The following CDCA8 variants were observed in gnomAD, a reference collection of about 807,000 sequenced individuals.
CDCA8 encodes the protein borealin.
A neutral mutation model predicts 40.0 loss-of-function variants in CDCA8; 25 were observed. That is an observed-to-expected ratio of 0.63 (90% CI 0.46 to 0.87). The LOEUF is 0.87. Ranked by LOEUF, CDCA8 falls within the 40% of genes least tolerant of loss-of-function variation. CDCA8 has a pLI of 0.00. For missense variants in CDCA8, 280 were observed against 348.4 expected, an observed-to-expected ratio of 0.80 and a Z score of 1.56; for synonymous variants, 111 against 126.5, an observed-to-expected ratio of 0.88 and a Z score of 0.82.
rs150621910 is a variant in CDCA8, at chr1:37,697,735, G to C, written c.265-1170G>C. Among the ~76,000 whole-genome samples, 425 of 152,330 alleles carry C rather than the reference G, an allele frequency of 2.8e-3. 4 individuals are homozygous for C. The highest frequency in any genetic ancestry group is 9.7e-3 in the African/African-American group (403 of 41,570). On this transcript the variant is annotated intron_variant, in intron 3 of 9. Transcript: ENST00000373055. ...AGATGCCCAGTGGCCTGCCACCACT[G>C]ATGACTCCATAAAATGCCAGTTGTT... is the stretch of plus-strand genomic sequence containing the variant.
intron 8 of CDCA8, among the ~76,000 whole-genome samples, chr1:37,706,231 CTGAG>C: frequency 6.6e-6 from 1 of 152,036 alleles, no homozygotes; most frequent in South Asian, 2.1e-4. Flanking sequence ...CCTCAGCCTC[CTGAG>C]TAACTGGGAC....
intron 7 of CDCA8, among the ~76,000 whole-genome samples, chr1:37,703,645 GGTGGAGGTTGCA>G (rs1035411010): frequency 2.0e-5 from 3 of 152,190 alleles, no homozygotes; most frequent in Non-Finnish European, 2.9e-5. Context: ...GAACCCAGGA[GGTGGAGGTTGCA>G]GTGAGCTGCA....
chr1:37,707,438 A>G (rs1366654649), intron 9 of CDCA8, among the ~76,000 whole-genome samples: 1 of 152,206 alleles, frequency 6.6e-6, no homozygotes, highest in Non-Finnish European at 1.5e-5. Flanking sequence ...TCAAAGAGCG[A>G]GCTGAACGGC....
intron 4 of CDCA8, among the ~76,000 whole-genome samples, chr1:37,699,702 G>A (rs1211928895): frequency 6.6e-6 from 1 of 152,152 alleles, no homozygotes; most frequent in Non-Finnish European, 1.5e-5. Flanking sequence ...GGTGGATCAC[G>A]AGGTCAGGAG....
intron 4 of CDCA8, among the ~76,000 whole-genome samples, chr1:37,699,824 A>T (rs1444807542): frequency 2.0e-5 from 3 of 151,904 alleles, no homozygotes; most frequent in Admixed American, 2.0e-4. Flanking sequence ...GGAGGCTGAG[A>T]CAGGAGAATG....
Position 37,709,703 on chromosome 1 carries a change from T to C in CDCA8, c.*1337T>C, listed in dbSNP as rs1225216965. ...ACCTACTTTCAATAAATTCTGGTTT[T>C]GTGTTTTCTTTTGTAATCACTGTTC... is the stretch of plus-strand genomic sequence containing the variant. On this transcript the variant is annotated 3_prime_UTR_variant, in exon 10 of 10. Coordinates refer to ENST00000373055, the MANE Select transcript of CDCA8 (RefSeq NM_001256875.2). 1 of 152,246 alleles carries C rather than the reference T, an allele frequency of 6.6e-6. No individual in the cohort carries two copies. Among genetic ancestry groups the C allele is most frequent in the Non-Finnish European group, 1.5e-5 (1 of 68,048 alleles). The allele number at this position is 152,246 out of a possible 1,614,324, so 9.4% of individuals were successfully genotyped here. A position where few individuals can be genotyped will look rare whatever the true frequency, so the allele number is the denominator to read the frequency against.
chr1:37,694,257 T>C (rs887150741), intron 2 of CDCA8, among the ~76,000 whole-genome samples: 1 of 152,236 alleles, frequency 6.6e-6, no homozygotes. Flanking sequence ...GGGTTGCCCT[T>C]TTCTGTTTTC....
chr1:37,702,894 G>T (rs1022548359), intron 6 of CDCA8, among the ~76,000 whole-genome samples: 1 of 150,990 alleles, frequency 6.6e-6, no homozygotes, highest in African/African-American at 2.4e-5. Flanking sequence ...GGAGGTTGCA[G>T]TGAGCCAAGA....
At chr1:37,693,423 C>G (rs770113314) in intron 2 of CDCA8, among the ~76,000 whole-genome samples, 25 of 152,290 alleles carry the variant, frequency 1.6e-4, no homozygotes, top group Non-Finnish European at 2.5e-4. Context: ...GAGTCTCACT[C>G]TGTCACCCAG....
At chr1:37,704,897 C>G (rs561407062) in intron 7 of CDCA8, among the ~76,000 whole-genome samples, 2 of 152,244 alleles carry the variant, frequency 1.3e-5, no homozygotes, top group South Asian at 4.1e-4. Flanking sequence ...ATCCACCCCC[C>G]TCGGCCTCCC....
At chr1:37,707,338 G>T (rs543266665) in intron 9 of CDCA8, among the ~76,000 whole-genome samples, 1 of 152,318 alleles carries the variant, frequency 6.6e-6, no homozygotes, top group East Asian at 1.9e-4. Flanking sequence ...AGTGCTAGGG[G>T]TATGTTAGGT....
chr1:37,705,226 T>A (rs1179840311), intron 7 of CDCA8, among the ~76,000 whole-genome samples: 1 of 152,240 alleles, frequency 6.6e-6, no homozygotes, highest in Non-Finnish European at 1.5e-5. Flanking sequence ...TGGCTTTTTG[T>A]AAGATGTATG....
chr1:37,699,052 C>G (rs557290), intron 4 of CDCA8, 75 bp downstream of exon 4: 464,095 of 973,978 alleles, frequency 0.48, 113,330 homozygotes, highest in East Asian at 0.7. Context: ...GCTCAGGCAG[C>G]GCCTTGTTGG....
At chr1:37,704,909 A>G (rs904514208) in intron 7 of CDCA8, among the ~76,000 whole-genome samples, 1 of 152,050 alleles carries the variant, frequency 6.6e-6, no homozygotes, top group Non-Finnish European at 1.5e-5. Flanking sequence ...CGGCCTCCCA[A>G]AGTGCTGGGA....
intron 3 of CDCA8, among the ~76,000 whole-genome samples, chr1:37,698,540 GCA>G (rs1253016415): frequency 1.3e-5 from 2 of 152,208 alleles, no homozygotes; most frequent in African/African-American, 4.8e-5. Context: ...ATCTGTGTGT[GCA>G]CACATGTATA....
intron 5 of CDCA8, 133 bp from the exon 6 acceptor site, chr1:37,701,621 A>C: frequency 1.8e-6 from 1 of 566,128 alleles, no homozygotes; most frequent in East Asian, 2.9e-5. Context: ...GAATTCTGAG[A>C]TACACCTTAT....
In CDCA8 at chr1:37,696,073, C is replaced by T; in HGVS notation, c.264+123C>T. 4.7e-6 allele frequency: 4 copies of T among 847,922 alleles called. No homozygotes were observed. The allele number at this position is 847,922 out of a possible 1,614,324, so 52.5% of individuals were successfully genotyped here. On this transcript the variant is annotated intron_variant, in intron 3 of 9. Transcript: ENST00000373055. The surrounding 1 kb of genome is among the most constrained non-coding windows in gnomAD (Gnocchi z 5.0). ...AAGGGACATCATCTGTTTGTGTCAACTGAAAAATTAGAGTTGGACCAGACA... is the reference window on the plus strand; with the variant it reads ...AAGGGACATCATCTGTTTGTGTCAATTGAAAAATTAGAGTTGGACCAGACA...
intron 9 of CDCA8, among the ~76,000 whole-genome samples, chr1:37,708,053 A>G (rs1232518322): frequency 2.6e-5 from 4 of 152,192 alleles, no homozygotes; most frequent in Non-Finnish European, 5.9e-5. Flanking sequence ...CCCAGTGCTG[A>G]GATCCCACAC....
intron 2 of CDCA8, among the ~76,000 whole-genome samples, chr1:37,693,597 C>T (rs918499048): frequency 6.6e-6 from 1 of 152,018 alleles, no homozygotes; most frequent in Non-Finnish European, 1.5e-5. Context: ...CGGGGTTTCA[C>T]CATGTTGGCC....
Sources: allele counts gnomAD v4.1 joint callset (sites outside exome capture counted in the v4.1 genomes callset), GRCh38; gene constraint gnomAD v4.1.1; non-coding constraint Gnocchi (gnomAD v3.1); transcripts MANE v1.5; gene names NCBI Gene and HGNC (gene_info 2026-07-23, HGNC 2026-07-21).